FAM184B: variants seen among roughly 807,000 people sequenced by gnomAD.
The protein encoded by FAM184B is family with sequence similarity 184 member B.
In FAM184B, 111 loss-of-function variants were observed where a neutral mutation model predicts 135.9. The observed-to-expected ratio is 0.82, with a 90% CI of 0.70 to 0.96. The LOEUF is 0.96. FAM184B is among the 40% of genes least tolerant of loss of function. The pLI, the probability that FAM184B is intolerant of heterozygous loss-of-function variation, is 0.00. For missense variants in FAM184B, 1,375 were observed against 1,323.9 expected, an observed-to-expected ratio of 1.04 and a Z score of -0.60; for synonymous variants, 552 against 524.8, an observed-to-expected ratio of 1.05 and a Z score of -0.71.
chr4:17,705,924 G>T, intron 3 of FAM184B, 33 bp from the exon 4 acceptor site: 1 of 1,551,310 alleles, frequency 6.4e-7, no homozygotes, highest in Non-Finnish European at 8.7e-7. Flanking sequence ...TATTTGGAAT[G>T]CTCTTGGCCA....
intron 7 of FAM184B, among the ~76,000 whole-genome samples, chr4:17,673,988 G>A (rs1716255752): frequency 6.6e-6 from 1 of 151,990 alleles, no homozygotes; most frequent in Non-Finnish European, 1.5e-5. Context: ...AAAAGTGGAG[G>A]GAGTTCTTCA....
Position 17,647,531 on chromosome 4 carries a change from G to A in FAM184B, c.2346+106C>T, listed in dbSNP as rs546206540. ...TCCCAAAGTGCTAGATTCCAAGTGT[G>A]AGCCACTGCACTCAGCCTCAGAGCC... On this transcript the variant is annotated intron_variant, in intron 12 of 17. Coordinates refer to ENST00000265018, the MANE Select transcript of FAM184B (RefSeq NM_015688.2). The A allele has an allele frequency of 4.4e-5, 59 of 1,350,482 alleles. 1 individual carries two copies. In the African/African-American group the frequency reaches 7.9e-4, roughly 18 times the overall value. 83.7% of individuals were successfully genotyped at this position (1,350,482 alleles called of 1,614,324 possible). A position where few individuals can be genotyped will look rare whatever the true frequency, so the allele number is the denominator to read the frequency against.
rs1306782437 is a variant in FAM184B, at chr4:17,630,850, C to CTAAT, written c.*1678_*1681dup. On this transcript the variant is annotated 3_prime_UTR_variant, in exon 18 of 18. Transcript: ENST00000265018. ...CTTTCTATTTCTAAGCTGTCTTCAT[C>CTAAT]TAATTTTACCTTTCTGTGGAAAATC... is the stretch of plus-strand genomic sequence containing the variant. The CTAAT allele has an allele frequency of 2.6e-5, 4 of 151,856 alleles. No individual in the cohort carries two copies. The highest frequency in any genetic ancestry group is 9.7e-5 in the African/African-American group (4 of 41,314). The allele number at this position is 151,856 out of a possible 1,614,324, so 9.4% of individuals were successfully genotyped here.
At chr4:17,701,249 C>T (rs1215142795) in intron 5 of FAM184B, among the ~76,000 whole-genome samples, 4 of 152,162 alleles carry the variant, frequency 2.6e-5, no homozygotes, top group Non-Finnish European at 4.4e-5. Context: ...AACGGCAGAG[C>T]GAGGACCCGA....
chr4:17,675,102 A>G (rs1716281700), intron 7 of FAM184B, among the ~76,000 whole-genome samples: 1 of 152,238 alleles, frequency 6.6e-6, no homozygotes, highest in Admixed American at 6.5e-5. Flanking sequence ...CATCAGGAGA[A>G]CCACTATCTA....
chr4:17,652,281 C>G (rs550287429), intron 11 of FAM184B, among the ~76,000 whole-genome samples: 3 of 151,926 alleles, frequency 2.0e-5, no homozygotes, highest in African/African-American at 2.4e-5. Context: ...CCTGCCACCA[C>G]GCCCGGCTAA....
In FAM184B at chr4:17,693,295, G is replaced by A. The variant is rs1020275770; in HGVS notation, c.1488+7C>T. On this transcript the variant is annotated splice_region_variant and intron_variant, in intron 6 of 17. Transcript: ENST00000265018. ...CACCCCAAGGCTTGCATTTGGTCAG[G>A]GCTCACCTCAAGCAGAGAATTCTGA... 1 of 1,547,208 alleles carries A rather than the reference G, an allele frequency of 6.5e-7. No homozygotes were observed. The highest frequency in any genetic ancestry group is 1.4e-5 in the African/African-American group (1 of 72,970).
chr4:17,723,247 A>C (rs1366109535), intron 1 of FAM184B, among the ~76,000 whole-genome samples: 1 of 152,186 alleles, frequency 6.6e-6, no homozygotes, highest in East Asian at 1.9e-4. Flanking sequence ...CACTATTCGC[A>C]GCAGAGAAAA....
chr4:17,731,684 C>T (rs1717778974), intron 1 of FAM184B, among the ~76,000 whole-genome samples: 1 of 152,182 alleles, frequency 6.6e-6, no homozygotes, highest in South Asian at 2.1e-4. Context: ...AAAGCAAGTC[C>T]TTAGTGACCT....
intron 1 of FAM184B, among the ~76,000 whole-genome samples, chr4:17,760,524 T>C (rs887453862): frequency 6.6e-6 from 1 of 151,426 alleles, no homozygotes; most frequent in Non-Finnish European, 1.5e-5. Context: ...ACCCTGAAAT[T>C]CTACAGAAGT....
At position 17,642,150 on chromosome 4, in the gene FAM184B, C is replaced by T; in HGVS notation, c.2425G>A (p.Glu809Lys). 3.3e-6 allele frequency: 5 copies of T among 1,533,702 alleles called. No homozygotes were observed. The highest frequency in any genetic ancestry group is 4.4e-6 in the Non-Finnish European group (5 of 1,145,604). Reference protein sequence around the residue: ...QGSGEGCGLWEENAQLQDAVR... With the variant: ...QGSGEGCGLWKENAQLQDAVR... The stretch of plus-strand genomic sequence containing the variant: ...GCGTCCTGGAGCTGCGCGTTCTCCT[C>T]CCAGAGCCCGCATCCCTCGCCGGAA... Residue 809 changes from glutamate (E) to lysine (K), a missense_variant, in exon 13 of 18, where the codon GAG becomes AAG. Transcript: ENST00000265018.
intron 1 of FAM184B, among the ~76,000 whole-genome samples, chr4:17,750,878 T>A (rs1260103412): frequency 1.3e-5 from 2 of 152,148 alleles, no homozygotes; most frequent in African/African-American, 4.8e-5. Flanking sequence ...TTATGCCTGA[T>A]CTAAGCTGGC....
chr4:17,662,529 A>C (rs979621984), intron 8 of FAM184B, among the ~76,000 whole-genome samples: 5 of 151,856 alleles, frequency 3.3e-5, no homozygotes, highest in African/African-American at 9.7e-5. Context: ...GTAGCGATGA[A>C]GTTTCACCAT....
chr4:17,717,482 C>A (rs760283141), intron 1 of FAM184B, among the ~76,000 whole-genome samples: 9 of 152,262 alleles, frequency 5.9e-5, no homozygotes, highest in Middle Eastern at 3.4e-3. Flanking sequence ...TAGACTGGAA[C>A]ATCAGACTGC....
intron 5 of FAM184B, among the ~76,000 whole-genome samples, chr4:17,700,177 A>G (rs768316894): frequency 6.6e-6 from 1 of 152,162 alleles, no homozygotes; most frequent in Non-Finnish European, 1.5e-5. Flanking sequence ...GAAAAACAAG[A>G]TGGTACACTT....
Position 17,649,660 on chromosome 4 carries a change from T to TAAA in FAM184B, c.2192-1872_2192-1870dup, listed in dbSNP as rs377422228. 7.1e-3 allele frequency among the ~76,000 whole-genome samples: 1,072 copies of TAAA among 151,472 alleles called. 16 individuals are homozygous for TAAA. Among genetic ancestry groups the TAAA allele is most frequent in the African/African-American group, 0.025 (1,011 of 41,186 alleles). On this transcript the variant is annotated intron_variant, in intron 11 of 17. Coordinates refer to ENST00000265018, the MANE Select transcript of FAM184B (RefSeq NM_015688.2). ...AAGTGATTTCTATAGCTTATTTTCT[T>TAAA]AAAAAAAAATCCAAACATAACCCCA...
chr4:17,655,695 G>A (rs970461618), intron 10 of FAM184B, among the ~76,000 whole-genome samples: 16 of 152,160 alleles, frequency 1.1e-4, no homozygotes, highest in Non-Finnish European at 1.5e-5. Context: ...GCTACGTAAG[G>A]ACACATAGTG....
chr4:17,696,533 C>T (rs1023221980), intron 5 of FAM184B, among the ~76,000 whole-genome samples: 1 of 152,138 alleles, frequency 6.6e-6, no homozygotes, highest in Non-Finnish European at 1.5e-5. Context: ...AAGGCTGGAA[C>T]CATCGAGTGT....
rs1294163611 is a variant in FAM184B, at chr4:17,642,115, C to CCGCGCG, written c.2459_2460insCGCGCG (p.Arg820_Leu821insAlaArg). The CCGCGCG allele has an allele frequency of 6.5e-7, 1 of 1,532,848 alleles. No homozygotes were observed. The highest frequency in any genetic ancestry group is 8.7e-7 in the Non-Finnish European group (1 of 1,145,308). The allele number at this position is 1,532,848 out of a possible 1,614,324, so 95.0% of individuals were successfully genotyped here. ...GATGCTGCTCCACCTCCGCGCGCAGCCGCCGCACCGCGTCCTGGAGCTGCG... is the reference window on the plus strand; with the variant it reads ...GATGCTGCTCCACCTCCGCGCGCAGCCGCGCGCGCCGCACCGCGTCCTGGAGCTGCG... On this transcript the variant is annotated inframe_insertion, in exon 13 of 18. Coordinates refer to ENST00000265018, the MANE Select transcript of FAM184B (RefSeq NM_015688.2).
Sources: gnomAD v4.1 joint callset for allele counts (sites outside exome capture counted in the v4.1 genomes callset) on GRCh38, gnomAD v4.1.1 for gene constraint, MANE v1.5 for transcripts, NCBI Gene and HGNC (gene_info 2026-07-23, HGNC 2026-07-21) for gene names.